Variants in CDKAL1 observed in about 807,000 individuals in gnomAD.
The protein encoded by CDKAL1 is CDKAL1 threonylcarbamoyladenosine tRNA methylthiotransferase.
In CDKAL1, 32 loss-of-function variants were observed where a neutral mutation model predicts 68.2. That is an observed-to-expected ratio of 0.47 (90% CI 0.35 to 0.63). CDKAL1 has a LOEUF of 0.63. Ranked by LOEUF, CDKAL1 falls within the 30% of genes least tolerant of loss-of-function variation. CDKAL1 has a pLI of 0.00. For missense variants in CDKAL1, 606 were observed against 696.7 expected (o/e 0.87, Z 1.47); for synonymous variants, 234 against 244.3 (o/e 0.96, Z 0.39).
intron 7 of CDKAL1, among the ~76,000 whole-genome samples, chr6:20,768,519 T>G (rs1460155177): frequency 2.0e-5 from 3 of 152,144 alleles, no homozygotes; most frequent in Middle Eastern, 3.2e-3. Context: ...GCTGAAGATG[T>G]TTGTGGCAGA....
chr6:21,015,007 C>A (rs182088222), intron 11 of CDKAL1, among the ~76,000 whole-genome samples: 3 of 152,096 alleles, frequency 2.0e-5, no homozygotes, highest in Non-Finnish European at 4.4e-5. Flanking sequence ...GCAGCAATTG[C>A]CTCAGCCTCA....
intron 4 of CDKAL1, among the ~76,000 whole-genome samples, chr6:20,601,902 AGTT>A (rs1766114316): frequency 1.3e-5 from 2 of 152,232 alleles, no homozygotes; most frequent in East Asian, 1.9e-4. Flanking sequence ...TACATACAGT[AGTT>A]GTTATTGGCT....
At chr6:21,106,646 G>C (rs1582209662) in intron 12 of CDKAL1, among the ~76,000 whole-genome samples, 1 of 152,262 alleles carries the variant, frequency 6.6e-6, no homozygotes, top group African/African-American at 2.4e-5. Context: ...TATTTACATA[G>C]TATTTATATT....
intron 4 of CDKAL1, among the ~76,000 whole-genome samples, chr6:20,609,260 C>CTT (rs1554162603): frequency 4.2e-5 from 5 of 120,478 alleles, no homozygotes; most frequent in Admixed American, 1.8e-4. Flanking sequence ...CTTCCTCCTT[C>CTT]CTTCCTCCTC....
chr6:20,877,531 C>T (rs1760583439), intron 9 of CDKAL1, among the ~76,000 whole-genome samples: 1 of 152,174 alleles, frequency 6.6e-6, no homozygotes, highest in Non-Finnish European at 1.5e-5. Context: ...GGGCTGAGAC[C>T]TGTGTCACTG....
intron 11 of CDKAL1, among the ~76,000 whole-genome samples, chr6:21,047,111 G>T (rs904084320): frequency 6.6e-6 from 1 of 150,956 alleles, no homozygotes; most frequent in Non-Finnish European, 1.5e-5. Flanking sequence ...TTTTTTAAGA[G>T]ATGGAGTCTC....
At position 20,787,894 on chromosome 6, in the gene CDKAL1, G is replaced by A. The variant is rs570008608; in HGVS notation, c.638+6629G>A. Among the ~76,000 whole-genome samples the A allele has an allele frequency of 2.0e-5, 3 of 152,310 alleles. No individual in the cohort carries two copies. The East Asian group carries it at 5.8e-4, about 29-fold the overall frequency. ...GATACTGGTTTATAAGAGGTTGGAAGTAAAAATCCTGCTCTGTCACTATAT... is the reference window on the plus strand; with the variant it reads ...GATACTGGTTTATAAGAGGTTGGAAATAAAAATCCTGCTCTGTCACTATAT... On this transcript the variant is annotated intron_variant, in intron 8 of 15. Transcript: ENST00000274695.
chr6:20,921,731 C>G (rs928369198), intron 9 of CDKAL1, among the ~76,000 whole-genome samples: 3 of 152,110 alleles, frequency 2.0e-5, no homozygotes, highest in African/African-American at 4.8e-5. Context: ...ATTTCATTGC[C>G]TATTGGTGAT....
intron 9 of CDKAL1, among the ~76,000 whole-genome samples, chr6:20,927,541 A>G (rs1256527262): frequency 6.6e-6 from 1 of 152,170 alleles, no homozygotes. Flanking sequence ...TCGATTTTTA[A>G]CCATAGTAGC....
At chr6:20,765,072 A>C (rs115119944) in intron 7 of CDKAL1, among the ~76,000 whole-genome samples, 1 of 151,828 alleles carries the variant, frequency 6.6e-6, no homozygotes, top group Non-Finnish European at 1.5e-5. Flanking sequence ...TTATGAGTAT[A>C]GTAAAGTTAA....
intron 11 of CDKAL1, among the ~76,000 whole-genome samples, chr6:21,052,291 A>T (rs563112822): frequency 6.6e-6 from 1 of 152,142 alleles, no homozygotes; most frequent in Non-Finnish European, 1.5e-5. Flanking sequence ...TCATGATTTC[A>T]TGCTCTGAAC....
At chr6:20,957,582 A>G (rs978404814) in intron 10 of CDKAL1, among the ~76,000 whole-genome samples, 31 of 152,132 alleles carry the variant, frequency 2.0e-4, no homozygotes, top group African/African-American at 6.5e-4. Flanking sequence ...CTTTCCTCCT[A>G]CATTGTCATC....
At chr6:20,893,117 T>C (rs1761497267) in intron 9 of CDKAL1, among the ~76,000 whole-genome samples, 1 of 152,194 alleles carries the variant, frequency 6.6e-6, no homozygotes, top group African/African-American at 2.4e-5. Flanking sequence ...CAAAAACGCA[T>C]CTCTCTGTGC....
intron 6 of CDKAL1, among the ~76,000 whole-genome samples, chr6:20,752,739 C>T (rs577657445): frequency 1.9e-4 from 29 of 152,126 alleles, no homozygotes; most frequent in African/African-American, 6.8e-4. Context: ...TAAAAAGCTA[C>T]GACACACTCT....
intron 8 of CDKAL1, among the ~76,000 whole-genome samples, chr6:20,812,334 T>C (rs1776855059): frequency 6.6e-6 from 1 of 152,220 alleles, no homozygotes; most frequent in Admixed American, 6.5e-5. Flanking sequence ...TCTAATGTGC[T>C]TCAAACTATT....
At chr6:20,995,951 G>T (rs1273090468) in intron 10 of CDKAL1, among the ~76,000 whole-genome samples, 2 of 152,184 alleles carry the variant, frequency 1.3e-5, no homozygotes, top group Non-Finnish European at 2.9e-5. Context: ...CTTCATCAGT[G>T]ATCTTAGCTA....
At chr6:21,193,583 A>T (rs1778345965) in intron 13 of CDKAL1, among the ~76,000 whole-genome samples, 1 of 152,186 alleles carries the variant, frequency 6.6e-6, no homozygotes. Context: ...GGTCTCTTTC[A>T]TCTCAAAAAT....
intron 13 of CDKAL1, among the ~76,000 whole-genome samples, chr6:21,165,023 AAC>A (rs1777095472): frequency 6.6e-6 from 1 of 152,308 alleles, no homozygotes; most frequent in African/African-American, 2.4e-5. Flanking sequence ...TGAAAGCAAA[AAC>A]CCTTTCTTTC....
intron 12 of CDKAL1, among the ~76,000 whole-genome samples, chr6:21,090,250 T>G (rs984725988): frequency 1.3e-5 from 2 of 152,232 alleles, no homozygotes; most frequent in African/African-American, 4.8e-5. Flanking sequence ...GATTACTATA[T>G]GCAGACACTG....
Sources: allele counts gnomAD v4.1 joint callset (sites outside exome capture counted in the v4.1 genomes callset), GRCh38; gene constraint gnomAD v4.1.1; transcripts MANE v1.5; gene names NCBI Gene and HGNC (gene_info 2026-07-23, HGNC 2026-07-21).